The following ZNF442 variants were observed in gnomAD, a reference collection of about 807,000 sequenced individuals.
ZNF442 encodes zinc finger protein 442.
ZNF442 carries 45 observed loss-of-function variants against 57.0 expected under a neutral mutation model. That is an observed-to-expected ratio of 0.79 (90% confidence interval 0.62 to 1.01). The LOEUF (loss-of-function observed/expected upper bound fraction) is 1.01. Among genes scored for constraint, ZNF442 ranks in the 50% least tolerant of loss-of-function variants. The pLI is 0.00. For synonymous variants in ZNF442, 213 were observed against 241.8 expected, an observed-to-expected ratio of 0.88 and a Z score of 1.10; for missense variants, 690 against 756.5, an observed-to-expected ratio of 0.91 and a Z score of 1.03.
upstream of ZNF442, among the ~76,000 whole-genome samples, chr19:12,369,251 G>A (rs150934290): frequency 3.9e-4 from 59 of 152,274 alleles, no homozygotes; most frequent in African/African-American, 1.3e-3. Flanking sequence ...TATGGGAAGG[G>A]GAAGTTTGTA....
In ZNF442 at chr19:12,351,021, T is replaced by C. The variant is rs1441891767; in HGVS notation, c.564A>G (p.Lys188=). The C allele has an allele frequency of 3.1e-6, 5 of 1,613,904 alleles. No individual in the cohort carries two copies. Among genetic ancestry groups the C allele is most frequent in the Non-Finnish European group, 4.2e-6 (5 of 1,179,904 alleles). Reference sequence around the variant, plus strand: ...GAAGGTTTCCCGAAGAACTGAAGGTTTTCCCACATTCCTTACAATCATAGC... The same window carrying C: ...GAAGGTTTCCCGAAGAACTGAAGGTCTTCCCACATTCCTTACAATCATAGC... ...KKRYDCKECG[K]TFSSSGNLRR... is the part of the protein sequence containing the mutation. Residue 188 remains lysine, a synonymous_variant, in exon 6 of 6, where the codon AAA becomes AAG. Coordinates refer to ENST00000242804, the MANE Select transcript of ZNF442 (RefSeq NM_030824.3).
intron 2 of ZNF442, among the ~76,000 whole-genome samples, chr19:12,364,277 G>A (rs1473280545): frequency 6.6e-6 from 1 of 151,726 alleles, no homozygotes; most frequent in Non-Finnish European, 1.5e-5. Flanking sequence ...TGTGGTGGTG[G>A]GTGCCTGTAA....
chr19:12,363,200 G>A (rs1969467752), intron 3 of ZNF442, among the ~76,000 whole-genome samples: 1 of 146,224 alleles, frequency 6.8e-6, no homozygotes, highest in African/African-American at 2.5e-5. Flanking sequence ...GGCTACATAT[G>A]TGACCTGTTT....
At chr19:12,352,967 A>G in intron 4 of ZNF442, 21 bp downstream of exon 4, 1 of 1,590,350 alleles carries the variant, frequency 6.3e-7, no homozygotes, top group Non-Finnish European at 8.5e-7. Context: ...TGACTAAGTG[A>G]AGACATAATG....
intron 3 of ZNF442, 53 bp downstream of exon 3, chr19:12,363,501 C>T (rs1969474594): frequency 3.7e-5 from 58 of 1,573,098 alleles, no homozygotes; most frequent in Non-Finnish European, 4.9e-5. Flanking sequence ...GCACACCTGA[C>T]CTGAATGGGA....
Position 12,363,976 on chromosome 19 carries a change from T to A in ZNF442, c.-40-305A>T, listed in dbSNP as rs374512567. ...TAAAGTTTCTAAAGGGGACTTTCAA[T>A]GTTGATTAGGTATCCGTACCCAGGG... On this transcript the variant is annotated intron_variant, in intron 2 of 5. Coordinates refer to ENST00000242804, the MANE Select transcript of ZNF442 (RefSeq NM_030824.3). Among the ~76,000 whole-genome samples the A allele has an allele frequency of 1.6e-4, 25 of 152,298 alleles. No individual in the cohort carries two copies. The East Asian group carries it at 3.5e-3, about 21-fold the overall frequency.
At chr19:12,365,475 TG>T in intron 1 of ZNF442, 57 bp downstream of exon 1, 1 of 437,710 alleles carries the variant, frequency 2.3e-6, no homozygotes, top group South Asian at 2.4e-5. Context: ...CAGCCGGTTC[TG>T]GCCGGTTCCA....
At chr19:12,361,667 C>T (rs918977924) in intron 3 of ZNF442, among the ~76,000 whole-genome samples, 1 of 149,094 alleles carries the variant, frequency 6.7e-6, no homozygotes, top group Non-Finnish European at 1.5e-5. Context: ...AAAAATTGGA[C>T]CTCCCCCTCC....
intron 3 of ZNF442, among the ~76,000 whole-genome samples, chr19:12,360,525 A>G (rs992151463): frequency 6.6e-6 from 1 of 152,202 alleles, no homozygotes; most frequent in East Asian, 1.9e-4. Flanking sequence ...CATGCCTTAC[A>G]TGGAAAGTTA....
At position 12,349,872 on chromosome 19, in the gene ZNF442, A is replaced by C; in HGVS notation, c.1713T>G (p.Ser571=). The change falls in exon 6 of 6, where the codon TCT becomes TCG. Residue 571 remains serine (S), a synonymous_variant. Transcript: ENST00000242804. ...RHERIHTGKK[S]YECQQCGKAF... Reference sequence around the variant, plus strand: ...CTTTACCACATTGTTGACATTCATAAGATTTCTTTCCAGTGTGAATTCTTT... The same window carrying C: ...CTTTACCACATTGTTGACATTCATACGATTTCTTTCCAGTGTGAATTCTTT... The C allele has an allele frequency of 1.9e-6, 3 of 1,613,568 alleles. No homozygotes were observed. The highest frequency in any genetic ancestry group is 2.5e-6 in the Non-Finnish European group (3 of 1,179,856).
At chr19:12,361,105 C>T (rs1428557265) in intron 3 of ZNF442, among the ~76,000 whole-genome samples, 2 of 151,996 alleles carry the variant, frequency 1.3e-5, no homozygotes, top group South Asian at 2.1e-4. Context: ...GCAGGAGAAT[C>T]GTTTGAAACT....
intron 3 of ZNF442, among the ~76,000 whole-genome samples, chr19:12,357,352 T>TC (rs1384091642): frequency 1.5e-5 from 2 of 130,552 alleles, no homozygotes; most frequent in Non-Finnish European, 3.2e-5. Context: ...TTTCTTTCTT[T>TC]TTTTTTTTTT....
intron 3 of ZNF442, among the ~76,000 whole-genome samples, chr19:12,360,737 C>T (rs1004044363): frequency 2.6e-5 from 4 of 152,000 alleles, no homozygotes; most frequent in Admixed American, 6.6e-5. Context: ...CCACCACGCC[C>T]GTGGTGGTGG....
Position 12,358,419 on chromosome 19 carries a change from C to G in ZNF442, c.78+5135G>C, listed in dbSNP as rs528364110. 2.2e-3 allele frequency among the ~76,000 whole-genome samples: 334 copies of G among 152,318 alleles called. 2 individuals carry two copies. Among genetic ancestry groups the G allele is most frequent in the African/African-American group, 7.7e-3 (319 of 41,564 alleles). ...AATAGTATCCCAATGAGTATACACACCACGTTTTATTTACCCAATCCTCCA... is the reference window on the plus strand; with the variant it reads ...AATAGTATCCCAATGAGTATACACAGCACGTTTTATTTACCCAATCCTCCA... On this transcript the variant is annotated intron_variant, in intron 3 of 5. Coordinates refer to ENST00000242804, the MANE Select transcript of ZNF442 (RefSeq NM_030824.3).
rs951326342 is a variant in ZNF442 at position 12,346,555 on chromosome 19, A to G, written c.*3146T>C. ...CTGTTCCTGAAAAAGGTTTACACCA[A>G]TTATTCTGTGAACCAGCAATTACAC... On this transcript the variant is annotated 3_prime_UTR_variant, in exon 6 of 6. Transcript: ENST00000242804. 1.2e-4 allele frequency: 19 copies of G among 152,256 alleles called. No individual in the cohort carries two copies. Among genetic ancestry groups the G allele is most frequent in the Non-Finnish European group, 7.3e-5 (5 of 68,048 alleles). 9.4% of individuals were successfully genotyped at this position (152,256 alleles called of 1,614,324 possible). A position where few individuals can be genotyped will look rare whatever the true frequency, so the allele number is the denominator to read the frequency against.
In ZNF442 at chr19:12,349,589, A is replaced by T; in HGVS notation, c.*112T>A. 1 of 1,166,754 alleles carries T rather than the reference A, an allele frequency of 8.6e-7. No individual in the cohort carries two copies. The highest frequency in any genetic ancestry group is 1.2e-6 in the Non-Finnish European group (1 of 842,816). The allele number at this position is 1,166,754 out of a possible 1,614,324, so 72.3% of individuals were successfully genotyped here. ...ATATGGTTAGGGGATAACCATATTCAAAAGAAACATCTTAAGGCTTTACCA... is the reference window on the plus strand; with the variant it reads ...ATATGGTTAGGGGATAACCATATTCTAAAGAAACATCTTAAGGCTTTACCA... On this transcript the variant is annotated 3_prime_UTR_variant, in exon 6 of 6. Transcript: ENST00000242804.
At position 12,350,891 on chromosome 19, in the gene ZNF442, T is replaced by A. The variant is rs1321839599; in HGVS notation, c.694A>T (p.Thr232Ser). 6.2e-7 allele frequency: 1 copy of A among 1,614,150 alleles called. No homozygotes were observed. Among genetic ancestry groups the A allele is most frequent in the African/African-American group, 1.3e-5 (1 of 75,050 alleles). The change falls in exon 6 of 6, where the codon ACT becomes TCT. Residue 232 changes from threonine (T) to serine (S), a missense_variant. Physicochemically the swap from Thr to Ser is moderately conservative, Grantham distance 58. Transcript: ENST00000242804. ...SLFRMHERTHTGEKPYECKQC... is the reference protein window; with the variant it reads ...SLFRMHERTHSGEKPYECKQC... ...TTACATTCATACGGTTTCTCTCCAG[T>A]GTGAGTTCTTTCATGCATACGAAAT...
rs1025454459 is a variant in ZNF442, at chr19:12,346,928, T to C, written c.*2773A>G. 1.3e-5 allele frequency: 2 copies of C among 152,202 alleles called. No homozygotes were observed. The highest frequency in any genetic ancestry group is 2.9e-5 in the Non-Finnish European group (2 of 68,028). 9.4% of individuals were successfully genotyped at this position (152,202 alleles called of 1,614,324 possible). On this transcript the variant is annotated 3_prime_UTR_variant, in exon 6 of 6. Coordinates refer to ENST00000242804, the MANE Select transcript of ZNF442 (RefSeq NM_030824.3). ...GAGAAAGTAGAATGGAGATTTTCAGTACTTTGGGATAGGATGGAATAGGTA... is the reference window on the plus strand; with the variant it reads ...GAGAAAGTAGAATGGAGATTTTCAGCACTTTGGGATAGGATGGAATAGGTA...
rs575591794 is a variant in ZNF442, at chr19:12,363,689, C to G, written c.-40-18G>C. The stretch of plus-strand genomic sequence containing the variant: ...AATGGAAACTGGGGTTGGGGAAGAA[C>G]AAGGTGATTGTCCCAAGGGTTAGCT... On this transcript the variant is annotated intron_variant, in intron 2 of 5. Coordinates refer to ENST00000242804, the MANE Select transcript of ZNF442 (RefSeq NM_030824.3). 3.3e-6 allele frequency: 5 copies of G among 1,494,782 alleles called. No homozygotes were observed. The East Asian group carries it at 9.0e-5, about 27-fold the overall frequency. 92.6% of individuals were successfully genotyped at this position (1,494,782 alleles called of 1,614,324 possible).
Sources: gnomAD v4.1 joint callset for allele counts (sites outside exome capture counted in the v4.1 genomes callset) on GRCh38, gnomAD v4.1.1 for gene constraint, MANE v1.5 for transcripts, NCBI Gene and HGNC (gene_info 2026-07-23, HGNC 2026-07-21) for gene names.